ZNF304: variants seen among roughly 807,000 people sequenced by gnomAD.
ZNF304 encodes the protein KRAB-containing zinc finger protein.
ZNF304 carries 7 observed loss-of-function variants against 7.8 expected under a neutral mutation model. The ratio of observed to expected loss-of-function variants is 0.90; its 90% CI spans 0.51 to 1.69. The LOEUF (loss-of-function observed/expected upper bound fraction) is 1.69, where lower values mean the gene tolerates loss of function less well. ZNF304 is among the 40% of genes most tolerant of loss of function. ZNF304 has a pLI of 0.00. For missense variants in ZNF304, 669 were observed against 804.8 expected (o/e 0.83, Z 2.04); for synonymous variants, 280 against 272.4 (o/e 1.03, Z -0.27).
intron 1 of ZNF304, 59 bp from the exon 2 acceptor site, chr19:57,353,666 G>T: frequency 1.3e-6 from 2 of 1,556,224 alleles, no homozygotes; most frequent in South Asian, 1.2e-5. Context: ...GTAGACTGGG[G>T]AGGAGGGGGT....
Position 57,357,597 on chromosome 19 carries a change from A to C in ZNF304, c.1728A>C (p.Gln576His), listed in dbSNP as rs776780278. ...KAYISSSHLVQHKKVHTGARP... is the reference protein window; with the variant it reads ...KAYISSSHLVHHKKVHTGARP... Reference sequence around the variant, plus strand: ...ACATTAGTAGCTCCCACCTTGTTCAACACAAGAAAGTTCACACTGGAGCAA... The same window carrying C: ...ACATTAGTAGCTCCCACCTTGTTCACCACAAGAAAGTTCACACTGGAGCAA... Residue 576 changes from glutamine (Q) to histidine (H), a missense_variant, in exon 3 of 3, where the codon CAA (glutamine) becomes CAC (histidine). Transcript: ENST00000282286. 1 of 1,613,874 alleles carries C rather than the reference A, an allele frequency of 6.2e-7. No individual in the cohort carries two copies. The highest frequency in any genetic ancestry group is 2.2e-5 in the East Asian group (1 of 44,834).
chr19:57,353,172 C>T (rs1346955430), intron 1 of ZNF304, among the ~76,000 whole-genome samples: 6 of 152,116 alleles, frequency 3.9e-5, no homozygotes, highest in Admixed American at 1.3e-4. Flanking sequence ...GGCACCTGGA[C>T]GGCAGTGGTG....
At chr19:57,354,114 T>TC (rs1290819857) in intron 2 of ZNF304, among the ~76,000 whole-genome samples, 6 of 151,888 alleles carry the variant, frequency 4.0e-5, no homozygotes, top group Non-Finnish European at 7.4e-5. Context: ...GCTCAAGTGA[T>TC]CCCCCCCACC....
Position 57,351,698 on chromosome 19 carries a change from G to A in ZNF304, c.33+1G>A. 1.2e-6 allele frequency: 2 copies of A among 1,612,064 alleles called. No homozygotes were observed. The highest frequency in any genetic ancestry group is 8.5e-7 in the Non-Finnish European group (1 of 1,178,946). The stretch of plus-strand genomic sequence containing the variant: ...GGCGGTGCTGATGGACCGGGTTCAG[G>A]TGAGTGGGGGCATCCCTCAAGCGCA... On this transcript the variant is annotated splice_donor_variant, in intron 1 of 2. Transcript: ENST00000282286. LOFTEE classifies it high-confidence loss of function. The surrounding 1 kb of genome is among the most constrained non-coding windows in gnomAD (Gnocchi z 4.1).
rs1414057116 is a variant in ZNF304 at position 57,358,595 on chromosome 19, CA to C, written c.*747del. 1 of 152,232 alleles carries C rather than the reference CA, an allele frequency of 6.6e-6. No homozygotes were observed. Among genetic ancestry groups the C allele is most frequent in the African/African-American group, 2.4e-5 (1 of 41,450 alleles). 9.4% of individuals were successfully genotyped at this position (152,232 alleles called of 1,614,324 possible). A position where few individuals can be genotyped will look rare whatever the true frequency, so the allele number is the denominator to read the frequency against. On this transcript the variant is annotated 3_prime_UTR_variant, in exon 3 of 3. Coordinates refer to ENST00000282286, the MANE Select transcript of ZNF304 (RefSeq NM_020657.4). ...TGAAGGGAGTAGCACCTTTTGTGGG[CA>C]CCACCTTTATGTGCCTCAGAGGGGA...
In ZNF304 at chr19:57,351,626, G is replaced by A; in HGVS notation, c.-39G>A. The A allele has an allele frequency of 6.2e-7, 1 of 1,612,806 alleles. No homozygotes were observed. Reference sequence around the variant, plus strand: ...CAGCGCGGTGGAGGCGTGGGGTTTCGGCTGAGCCCACAGGGCACAGACTGT... The same window carrying A: ...CAGCGCGGTGGAGGCGTGGGGTTTCAGCTGAGCCCACAGGGCACAGACTGT... On this transcript the variant is annotated 5_prime_UTR_variant, in exon 1 of 3. Coordinates refer to ENST00000282286, the MANE Select transcript of ZNF304 (RefSeq NM_020657.4). The surrounding 1 kb of genome is among the most constrained non-coding windows in gnomAD (Gnocchi z 4.1).
Position 57,356,697 on chromosome 19 carries a change from A to G in ZNF304, c.828A>G (p.Glu276=), listed in dbSNP as rs1447739782. 6.2e-7 allele frequency: 1 copy of G among 1,614,246 alleles called. No individual in the cohort carries two copies. The highest frequency in any genetic ancestry group is 8.5e-7 in the Non-Finnish European group (1 of 1,180,048). The change falls in exon 3 of 3, where the codon GAA becomes GAG. Residue 276 remains glutamate (E), a synonymous_variant. Transcript: ENST00000282286. ...ATCACAGAAAAATCCACAGTGGAGAAATATCTCATGTGTGTAAGGAGTGTG... is the reference window on the plus strand; with the variant it reads ...ATCACAGAAAAATCCACAGTGGAGAGATATCTCATGTGTGTAAGGAGTGTG... ...LINHRKIHSG[E]ISHVCKECGK... is the part of the protein sequence containing the mutation.
At chr19:57,353,998 T>G (rs80227939) in intron 2 of ZNF304, 147 bp downstream of exon 2, 53 of 374,282 alleles carry the variant, frequency 1.4e-4, no homozygotes, top group South Asian at 7.0e-4. Context: ...ATTTTGAGGG[T>G]TTTTTTTTTG....
At position 57,353,802 on chromosome 19, in the gene ZNF304, C is replaced by G. The variant is rs1224346415; in HGVS notation, c.111C>G (p.Phe37Leu). ...EWELLEEAQR[F>L]LYRDVMLENF... ...AACTCCTTGAGGAGGCACAGAGATTCCTGTACCGTGATGTGATGCTGGAGA... is the reference window on the plus strand; with the variant it reads ...AACTCCTTGAGGAGGCACAGAGATTGCTGTACCGTGATGTGATGCTGGAGA... Residue 37 changes from phenylalanine (F) to leucine (L), a missense_variant, in exon 2 of 3, where the codon TTC (phenylalanine) becomes TTG (leucine). Coordinates refer to ENST00000282286, the MANE Select transcript of ZNF304 (RefSeq NM_020657.4). 1.2e-6 allele frequency: 2 copies of G among 1,613,370 alleles called. No homozygotes were observed. The highest frequency in any genetic ancestry group is 8.5e-7 in the Non-Finnish European group (1 of 1,179,604).
intron 2 of ZNF304, 149 bp downstream of exon 2, chr19:57,354,000 TTTTTTTTG>T (rs889407475): frequency 2.5e-4 from 172 of 674,896 alleles, no homozygotes; most frequent in African/African-American, 4.9e-4. Context: ...TTTGAGGGTT[TTTTTTTTG>T]TTTTTTGTTT....
chr19:57,354,679 G>A (rs2122980012), intron 2 of ZNF304, among the ~76,000 whole-genome samples: 1 of 152,316 alleles, frequency 6.6e-6, no homozygotes, highest in South Asian at 2.1e-4. Context: ...TTACAATCAA[G>A]TGAGGAGGCT....
Position 57,357,790 on chromosome 19 carries a change from A to G in ZNF304, c.1921A>G (p.Arg641Gly), listed in dbSNP as rs1348631693. 8 of 1,613,110 alleles carry G rather than the reference A, an allele frequency of 5.0e-6. No individual in the cohort carries two copies. The South Asian group carries it at 6.6e-5, about 13-fold the overall frequency. The change falls in exon 3 of 3, where the codon AGA becomes GGA. Residue 641 changes from arginine to glycine, a missense_variant. Transcript: ENST00000282286. ...VRHQKAHTGERAHECNSFGGP... is the reference protein window; with the variant it reads ...VRHQKAHTGEGAHECNSFGGP... ...TCACCAGAAAGCTCACACTGGAGAA[A>G]GAGCTCACGAGTGCAACAGTTTTGG... is the stretch of plus-strand genomic sequence containing the variant.
chr19:57,354,215 AG>A (rs2088309859), intron 2 of ZNF304, among the ~76,000 whole-genome samples: 1 of 152,120 alleles, frequency 6.6e-6, no homozygotes, highest in East Asian at 1.9e-4. Context: ...TACGTTGCCC[AG>A]GCTGGTCTAG....
At position 57,357,868 on chromosome 19, in the gene ZNF304, A is replaced by G. The variant is rs2088369052; in HGVS notation, c.*19A>G. 2 of 1,573,286 alleles carry G rather than the reference A, an allele frequency of 1.3e-6. No homozygotes were observed. Among genetic ancestry groups the G allele is most frequent in the African/African-American group, 2.7e-5 (2 of 73,192 alleles). ...TGTTTAACACCAGAAAATTCACACAAGAGAAAGGCCTTATGAATGCAGAAA... is the reference window on the plus strand; with the variant it reads ...TGTTTAACACCAGAAAATTCACACAGGAGAAAGGCCTTATGAATGCAGAAA... On this transcript the variant is annotated 3_prime_UTR_variant, in exon 3 of 3. Transcript: ENST00000282286.
chr19:57,353,869 T>C lies in ZNF304; in HGVS notation c.160+18T>C, dbSNP rs1405236551. The stretch of plus-strand genomic sequence containing the variant: ...TACACTAGGTAAGTCTGTGTTTTAG[T>C]TATCTAATGCTACATGGCAAATTAT... On this transcript the variant is annotated intron_variant, in intron 2 of 2. Coordinates refer to ENST00000282286, the MANE Select transcript of ZNF304 (RefSeq NM_020657.4). 6.5e-7 allele frequency: 1 copy of C among 1,549,718 alleles called. No individual in the cohort carries two copies. Among genetic ancestry groups the C allele is most frequent in the Non-Finnish European group, 8.7e-7 (1 of 1,145,802 alleles).
chr19:57,353,109 T>C (rs188801303), intron 1 of ZNF304, among the ~76,000 whole-genome samples: 118 of 152,292 alleles, frequency 7.7e-4, no homozygotes, highest in African/African-American at 2.2e-3. Context: ...AATGCTGTTA[T>C]TCAGTAAGAA....
At chr19:57,352,962 G>A (rs775444710) in intron 1 of ZNF304, among the ~76,000 whole-genome samples, 3 of 152,186 alleles carry the variant, frequency 2.0e-5, no homozygotes, top group Non-Finnish European at 4.4e-5. Flanking sequence ...AGGTTAAGAG[G>A]TCTCAGTTGT....
At chr19:57,354,773 G>A (rs1014013409) in intron 2 of ZNF304, among the ~76,000 whole-genome samples, 7 of 152,160 alleles carry the variant, frequency 4.6e-5, no homozygotes, top group Non-Finnish European at 5.9e-5. Context: ...CACCCACTCC[G>A]GTGTCCTTGG....
chr19:57,352,013 T>C (rs2088281414), intron 1 of ZNF304: 1 of 360,990 alleles, frequency 2.8e-6, no homozygotes. Context: ...GTGCTGGGAG[T>C]CATGCAAGGT....
Sources: gnomAD v4.1 joint callset for allele counts (sites outside exome capture counted in the v4.1 genomes callset) on GRCh38, gnomAD v4.1.1 for gene constraint, Gnocchi (gnomAD v3.1) non-coding constraint, MANE v1.5 for transcripts, NCBI Gene and HGNC (gene_info 2026-07-23, HGNC 2026-07-21) for gene names.